Variants in USP24 observed in about 807,000 individuals in gnomAD.
The protein encoded by USP24 is ubiquitin carboxyl-terminal hydrolase 24.
In USP24, 97 loss-of-function variants were observed where a neutral mutation model predicts 361.6. The ratio of observed to expected loss-of-function variants is 0.27; its 90% CI spans 0.23 to 0.32. USP24 has a LOEUF of 0.32. Among genes scored for constraint, USP24 ranks in the 10% least tolerant of loss-of-function variants. The pLI, the probability that USP24 is intolerant of heterozygous loss-of-function variation, is 1.00. For missense variants in USP24, 2,353 were observed against 3,165.6 expected (o/e 0.74, Z 6.16); for synonymous variants, 1,098 against 1,124.6 (o/e 0.98, Z 0.47).
chr1:55,155,099 AT>A (rs1036665597), intron 12 of USP24, among the ~76,000 whole-genome samples: 26 of 152,182 alleles, frequency 1.7e-4, no homozygotes, highest in South Asian at 6.2e-4. Flanking sequence ...CTGCTGAAAG[AT>A]TTAAACAGAT....
chr1:55,171,771 TC>T, intron 4 of USP24, 93 bp from the exon 5 acceptor site: 1 of 1,351,540 alleles, frequency 7.4e-7, no homozygotes, highest in Non-Finnish European at 1.0e-6. Context: ...AGCCTTTGAC[TC>T]CCCTCATTAA....
intron 1 of USP24, among the ~76,000 whole-genome samples, chr1:55,199,616 T>A (rs1475694448): frequency 0.046 from 6,678 of 144,738 alleles, 477 homozygotes; most frequent in African/African-American, 0.17. Flanking sequence ...TGTGTGTGTG[T>A]GTGTGTGAGA....
intron 54 of USP24, among the ~76,000 whole-genome samples, chr1:55,090,701 T>C (rs1645354452): frequency 6.6e-6 from 1 of 152,218 alleles, no homozygotes; most frequent in Non-Finnish European, 1.5e-5. Context: ...CACTGCTCAA[T>C]ACTCTTCATT....
At chr1:55,119,068 GGGTATACACC>G (rs1646202785) in intron 38 of USP24, among the ~76,000 whole-genome samples, 1 of 152,144 alleles carries the variant, frequency 6.6e-6, no homozygotes, top group Non-Finnish European at 1.5e-5. Flanking sequence ...TTCCACTTCT[GGGTATACACC>G]CTAAAGAACT....
chr1:55,071,573 G>T, intron 67 of USP24: 1 of 1,316,144 alleles, frequency 7.6e-7, no homozygotes, highest in Non-Finnish European at 9.8e-7. Context: ...AGGCTGATCA[G>T]GGTGGCCAGC....
Position 55,186,765 on chromosome 1 carries a change from A to AG in USP24, c.325-8634dup, listed in dbSNP as rs555636419. 3.2e-3 allele frequency among the ~76,000 whole-genome samples: 490 copies of AG among 152,254 alleles called. 2 individuals are homozygous for AG. Among genetic ancestry groups the AG allele is most frequent in the African/African-American group, 0.011 (471 of 41,568 alleles). On this transcript the variant is annotated intron_variant, in intron 1 of 67. Coordinates refer to ENST00000294383, the MANE Select transcript of USP24 (RefSeq NM_015306.3). ...ATGTTGGTTGCCAAGGGCTGGGTGC[A>AG]GGGGGGAATAGGGAGTTAGTATGTA...
chr1:55,073,050 G>A, intron 64 of USP24, 189 bp from the exon 65 acceptor site: 1 of 587,658 alleles, frequency 1.7e-6, no homozygotes, highest in South Asian at 2.3e-5. Flanking sequence ...CCAGGGGCTG[G>A]GGGAAGGGAG....
intron 5 of USP24, among the ~76,000 whole-genome samples, chr1:55,167,915 A>C (rs1040805273): frequency 6.6e-6 from 1 of 152,200 alleles, no homozygotes; most frequent in African/African-American, 2.4e-5. Context: ...TATGGCAACC[A>C]AAAGGAGATA....
chr1:55,164,592 C>T (rs1360956750), intron 7 of USP24, among the ~76,000 whole-genome samples: 1 of 151,996 alleles, frequency 6.6e-6, no homozygotes, highest in African/African-American at 2.4e-5. Context: ...GTGTTACTAT[C>T]CCCTCAATAC....
rs61226482 is a variant in USP24, at chr1:55,153,335, G to A, written c.1860+535C>T. Reference sequence around the variant, plus strand: ...GTCCCAGTCCCTCTTATACAAGTCCGTATCCAACCCTACCTTCTAAAATGA... The same window carrying A: ...GTCCCAGTCCCTCTTATACAAGTCCATATCCAACCCTACCTTCTAAAATGA... On this transcript the variant is annotated intron_variant, in intron 16 of 67. Transcript: ENST00000294383. Among the ~76,000 whole-genome samples the A allele has an allele frequency of 4.4e-3, 673 of 152,282 alleles. 10 individuals are homozygous for A. The highest frequency in any genetic ancestry group is 0.016 in the African/African-American group (654 of 41,576).
chr1:55,069,031 C>T lies in USP24; in HGVS notation c.*14G>A. On this transcript the variant is annotated 3_prime_UTR_variant, in exon 68 of 68. Coordinates refer to ENST00000294383, the MANE Select transcript of USP24 (RefSeq NM_015306.3). Reference sequence around the variant, plus strand: ...GTATTGTGTCTTGACTCCTCTCAGGCTGGGCATGTTCCTCTAGGGATCAAC... The same window carrying T: ...GTATTGTGTCTTGACTCCTCTCAGGTTGGGCATGTTCCTCTAGGGATCAAC... The T allele has an allele frequency of 1.2e-6, 2 of 1,613,898 alleles. No homozygotes were observed. Among genetic ancestry groups the T allele is most frequent in the South Asian group, 2.2e-5 (2 of 91,084 alleles).
In USP24 at chr1:55,106,175, G is replaced by A. The variant is rs375359374; in HGVS notation, c.4851C>T (p.Ala1617=). 1.0e-3 allele frequency: 1,610 copies of A among 1,613,752 alleles called. 4 individuals are homozygous for A. Among genetic ancestry groups the A allele is most frequent in the Non-Finnish European group, 1.2e-3 (1,427 of 1,179,698 alleles). Residue 1617 remains alanine (A), a synonymous_variant, in exon 41 of 68, where the codon GCC becomes GCT. Coordinates refer to ENST00000294383, the MANE Select transcript of USP24 (RefSeq NM_015306.3). ...GATGAAAGTCCTGTTGACTGATGGC[G>A]GCACTGCCAGCTGGAGAATGACTAT... The part of the protein sequence containing the change: ...ILNSHSPAGS[A]AISQQDFHPK...
Position 55,178,075 on chromosome 1 carries a change from A to C in USP24, c.382T>G (p.Leu128Val). ...GEGIEFPTTN[L>V]YELESRVLTD... ...AAAACACGGCTTTCCAGTTCATATA[A>C]ATTTGTTGTAGGGAATTCAATTCCT... The change falls in exon 2 of 68, where the codon TTA becomes GTA. Residue 128 changes from leucine (L) to valine (V), a missense_variant. Physicochemically the swap from Leu to Val is conservative, Grantham distance 32. This residue lies in a region of USP24 where 253 missense variants were observed against 255.3 expected (regional missense o/e 0.99). Coordinates refer to ENST00000294383, the MANE Select transcript of USP24 (RefSeq NM_015306.3). The C allele has an allele frequency of 6.4e-7, 1 of 1,551,550 alleles. No homozygotes were observed. The highest frequency in any genetic ancestry group is 8.7e-7 in the Non-Finnish European group (1 of 1,146,888).
intron 30 of USP24, among the ~76,000 whole-genome samples, chr1:55,133,416 A>C (rs1234376265): frequency 6.6e-6 from 1 of 152,160 alleles, no homozygotes; most frequent in Non-Finnish European, 1.5e-5. Flanking sequence ...GTAATGAAAA[A>C]CGTCTCAACT....
At chr1:55,189,803 A>T (rs1289198961) in intron 1 of USP24, among the ~76,000 whole-genome samples, 2 of 151,714 alleles carry the variant, frequency 1.3e-5, no homozygotes, top group Admixed American at 1.3e-4. Flanking sequence ...TGCAAAACAC[A>T]GAGTTGTACC....
At chr1:55,090,577 G>A (rs1286818769) in intron 54 of USP24, among the ~76,000 whole-genome samples, 1 of 152,146 alleles carries the variant, frequency 6.6e-6, no homozygotes, top group Non-Finnish European at 1.5e-5. Flanking sequence ...CTCCATACTT[G>A]GAGAAGCTCA....
intron 36 of USP24, among the ~76,000 whole-genome samples, chr1:55,122,761 T>C (rs536742323): frequency 1.3e-5 from 2 of 152,228 alleles, no homozygotes; most frequent in Admixed American, 1.3e-4. Context: ...ACCGGAAGAA[T>C]AGAACTGCTT....
chr1:55,199,214 G>T (rs945830387), intron 1 of USP24, among the ~76,000 whole-genome samples: 1 of 152,064 alleles, frequency 6.6e-6, no homozygotes, highest in Non-Finnish European at 1.5e-5. Context: ...ACTTGAACCC[G>T]GGAGGTGGAG....
chr1:55,203,966 C>T (rs1353465758), intron 1 of USP24, among the ~76,000 whole-genome samples: 1 of 152,066 alleles, frequency 6.6e-6, no homozygotes, highest in Non-Finnish European at 1.5e-5. Flanking sequence ...ATAGGATGAT[C>T]TGCTGCTACT....
Sources: allele counts gnomAD v4.1 joint callset (sites outside exome capture counted in the v4.1 genomes callset), GRCh38; gene constraint gnomAD v4.1.1; regional missense constraint gnomAD v4.1.1; transcripts MANE v1.5; gene names NCBI Gene and HGNC (gene_info 2026-07-23, HGNC 2026-07-21).